The following TNIP1 variants were observed in gnomAD, a reference collection of about 807,000 sequenced individuals.
TNIP1 encodes TNFAIP3 interacting protein 1.
A neutral mutation model predicts 86.6 loss-of-function variants in TNIP1; 22 were observed. That is an observed-to-expected ratio of 0.25 (90% CI 0.18 to 0.36). The LOEUF (loss-of-function observed/expected upper bound fraction) is 0.36. TNIP1 is among the 10% of genes least tolerant of loss of function. TNIP1 has a pLI of 1.00. For synonymous variants in TNIP1, 294 were observed against 313.0 expected (o/e 0.94, Z 0.64); for missense variants, 709 against 820.6 (o/e 0.86, Z 1.66).
chr5:151,043,770 T>C (rs2113430645), intron 9 of TNIP1, among the ~76,000 whole-genome samples: 1 of 147,428 alleles, frequency 6.8e-6, no homozygotes, highest in East Asian at 2.0e-4. Context: ...AGTGAGACCC[T>C]ATCTTAAAAA....
At chr5:151,080,358 TC>T (rs1348750158) in intron 1 of TNIP1, 1 of 152,256 alleles carries the variant, frequency 6.6e-6, no homozygotes, top group Non-Finnish European at 1.5e-5. Flanking sequence ...TACCTCGGTT[TC>T]CTAAAGTATA....
intron 7 of TNIP1, 146 bp downstream of exon 7, chr5:151,052,019 A>G: frequency 1.6e-6 from 1 of 644,510 alleles, no homozygotes; most frequent in Non-Finnish European, 2.6e-6. Context: ...AGCCAAGGAG[A>G]AGGATCAAGA....
intron 7 of TNIP1, 55 bp from the exon 8 acceptor site, chr5:151,050,002 A>G: frequency 6.2e-7 from 1 of 1,609,600 alleles, no homozygotes; most frequent in Non-Finnish European, 8.5e-7. Context: ...TAAGAAACCT[A>G]CAGGGCTCCT....
intron 1 of TNIP1, among the ~76,000 whole-genome samples, chr5:151,080,648 T>C (rs1007084749): frequency 6.6e-6 from 1 of 152,098 alleles, no homozygotes; most frequent in Admixed American, 6.5e-5. Context: ...TTCCCAGGCG[T>C]GCTACCCCGC....
At chr5:151,063,776 A>G in intron 2 of TNIP1, 29 bp from the exon 3 acceptor site, 1 of 1,607,776 alleles carries the variant, frequency 6.2e-7, no homozygotes. Flanking sequence ...AGGAAGCAAA[A>G]GCATTTACTC....
Position 151,045,114 on chromosome 5 carries a change from T to C in TNIP1, c.936+747A>G, listed in dbSNP as rs1758971344. Among the ~76,000 whole-genome samples the C allele has an allele frequency of 2.0e-5, 3 of 151,884 alleles. No homozygotes were observed. In the South Asian group the frequency reaches 6.2e-4, roughly 32 times the overall value. On this transcript the variant is annotated intron_variant, in intron 9 of 17. Coordinates refer to ENST00000521591, the MANE Select transcript of TNIP1 (RefSeq NM_006058.5). ...TAGGTAGCTATTTTTTTTTTTGAGA[T>C]GGGGTCTTGCTCTGTTGCCCAGGCT...
intron 1 of TNIP1, among the ~76,000 whole-genome samples, chr5:151,067,192 T>C (rs1559127): frequency 0.23 from 35,554 of 152,210 alleles, 7,064 homozygotes; most frequent in African/African-American, 0.55. Context: ...TAGCACAAAG[T>C]GCAGATGTTT....
chr5:151,050,612 G>A (rs1759783681), intron 7 of TNIP1, among the ~76,000 whole-genome samples: 1 of 152,144 alleles, frequency 6.6e-6, no homozygotes, highest in Non-Finnish European at 1.5e-5. Flanking sequence ...TAGTGATGTG[G>A]ATTCAGGTCT....
At chr5:151,059,011 C>A (rs1761041877) in intron 5 of TNIP1, among the ~76,000 whole-genome samples, 1 of 152,188 alleles carries the variant, frequency 6.6e-6, no homozygotes, top group African/African-American at 2.4e-5. Context: ...ATCCATTCCC[C>A]CACTGCCTCT....
intron 1 of TNIP1, among the ~76,000 whole-genome samples, chr5:151,071,449 G>C (rs1451546294): frequency 6.6e-6 from 1 of 152,170 alleles, no homozygotes; most frequent in African/African-American, 2.4e-5. Flanking sequence ...ATGGGGGGTT[G>C]TGCGGGATAA....
intron 11 of TNIP1, among the ~76,000 whole-genome samples, chr5:151,040,711 G>T (rs149050675): frequency 2.0e-4 from 30 of 152,318 alleles, no homozygotes; most frequent in African/African-American, 6.7e-4. Context: ...CAAGGTAAGG[G>T]GGTGTCACAG....
rs540303018 is a variant in TNIP1, at chr5:151,056,767, T to C, written c.626A>G (p.Gln209Arg). Reference protein sequence around the residue: ...HKNEQRTSILQTLCEQLRKEN... With the variant: ...HKNEQRTSILRTLCEQLRKEN... ...GGCTGCCCTCCCCACGCGCCTCACC[T>C]GCAGAATGGAGGTGCGCTGCTCATT... The change falls in exon 6 of 18, where the codon CAG (glutamine) becomes CGG (arginine). Residue 209 changes from glutamine (Q) to arginine (R), a missense_variant and splice_region_variant. Gln to Arg is a conservative substitution (Grantham distance 43). Transcript: ENST00000521591. 1.7e-5 allele frequency: 26 copies of C among 1,502,420 alleles called. No individual in the cohort carries two copies. The highest frequency in any genetic ancestry group is 8.7e-5 in the Admixed American group (4 of 45,854). 93.1% of individuals were successfully genotyped at this position (1,502,420 alleles called of 1,614,324 possible).
chr5:151,065,079 G>A lies in TNIP1; in HGVS notation c.17C>T (p.Pro6Leu), dbSNP rs751015707. The change falls in exon 2 of 18, where the codon CCG (proline) becomes CTG (leucine). Residue 6 changes from proline (P) to leucine (L), a missense_variant. Coordinates refer to ENST00000521591, the MANE Select transcript of TNIP1 (RefSeq NM_006058.5). ...GCCCCCAGGGTCGTAGATCCGGTAC[G>A]GTCCTCTCCCTTCCATGAGGGTAGC... Reference protein sequence around the residue: MEGRGPYRIYDPGGSV... With the variant: MEGRGLYRIYDPGGSV... The A allele has an allele frequency of 6.2e-6, 10 of 1,613,756 alleles. No homozygotes were observed. The South Asian group carries it at 8.8e-5, about 14-fold the overall frequency.
chr5:151,042,753 G>A (rs1021216862), intron 10 of TNIP1, 82 bp from the exon 11 acceptor site: 1 of 1,600,016 alleles, frequency 6.2e-7, no homozygotes, highest in Admixed American at 1.7e-5. Flanking sequence ...GCTGCCCCTG[G>A]GCCCTCCAAC....
At chr5:151,031,627 C>T (rs1430524119) in intron 17 of TNIP1, among the ~76,000 whole-genome samples, 1 of 152,210 alleles carries the variant, frequency 6.6e-6, no homozygotes, top group Admixed American at 6.5e-5. Flanking sequence ...CCAGGCCTCC[C>T]ACCATGCTCC....
rs150081812 is a variant in TNIP1, at chr5:151,033,074, C to T, written c.1779+534G>A. Among the ~76,000 whole-genome samples, 183 of 127,740 alleles carry T rather than the reference C, an allele frequency of 1.4e-3. 5 individuals are homozygous for T. The East Asian group carries it at 0.024, about 17-fold the overall frequency. The allele number at this position is 127,740 out of a possible 152,430, so 83.8% of individuals were successfully genotyped here. On this transcript the variant is annotated intron_variant, in intron 16 of 17. Transcript: ENST00000521591. ...CTGGGAGGCAGAGGTTGCAATGAGC[C>T]GAGATCGTATCACTGCACTCCAGCA...
At chr5:151,085,630 G>A (rs1764246662), upstream of TNIP1, among the ~76,000 whole-genome samples, 2 of 152,168 alleles carry the variant, frequency 1.3e-5, no homozygotes, top group East Asian at 1.9e-4. Flanking sequence ...CGTCACATAC[G>A]TGGCCTAGCC....
chr5:151,060,166 G>A (rs1761361135), intron 5 of TNIP1, 152 bp downstream of exon 5: 1 of 734,498 alleles, frequency 1.4e-6, no homozygotes, highest in African/African-American at 1.8e-5. Flanking sequence ...ATGTGAGCGA[G>A]AAGCACCCTT....
At chr5:151,083,799 A>G (rs1458790948), upstream of TNIP1, among the ~76,000 whole-genome samples, 2 of 152,228 alleles carry the variant, frequency 1.3e-5, no homozygotes, top group Non-Finnish European at 2.9e-5. Context: ...ATCCATCTAT[A>G]ACCAACTTAA....
Sources: gnomAD v4.1 joint callset for allele counts (sites outside exome capture counted in the v4.1 genomes callset) on GRCh38, gnomAD v4.1.1 for gene constraint, MANE v1.5 for transcripts, NCBI Gene and HGNC (gene_info 2026-07-23, HGNC 2026-07-21) for gene names.